The following DLGAP2 variants were observed in gnomAD, a reference collection of about 807,000 sequenced individuals.
The protein encoded by DLGAP2 is DLG associated protein 2, also known as disks large-associated protein 2.
DLGAP2 carries 26 observed loss-of-function variants against 100.3 expected under a neutral mutation model. The observed-to-expected ratio is 0.26, with a 90% confidence interval of 0.19 to 0.36. The LOEUF is 0.36. Ranked by LOEUF, DLGAP2 falls within the 10% of genes least tolerant of loss-of-function variation. DLGAP2 has a pLI of 1.00. For synonymous variants in DLGAP2, 886 were observed against 630.1 expected, an observed-to-expected ratio of 1.41 and a Z score of -6.08; for missense variants, 1,858 against 1,453.2, an observed-to-expected ratio of 1.28 and a Z score of -4.53.
intron 3 of DLGAP2, among the ~76,000 whole-genome samples, chr8:1,418,592 C>T (rs1001977321): frequency 6.6e-6 from 1 of 152,178 alleles, no homozygotes; most frequent in African/African-American, 2.4e-5. Flanking sequence ...CACTCCGACG[C>T]CAAATAAAAG....
At chr8:904,105 G>A (rs900026895) in intron 1 of DLGAP2, among the ~76,000 whole-genome samples, 4 of 152,244 alleles carry the variant, frequency 2.6e-5, no homozygotes, top group African/African-American at 7.2e-5. Context: ...AATCAGTCAC[G>A]TGTCTGACAT....
chr8:1,120,766 A>G (rs192732780), intron 2 of DLGAP2, among the ~76,000 whole-genome samples: 2 of 151,444 alleles, frequency 1.3e-5, no homozygotes, highest in African/African-American at 2.4e-5. Context: ...TTATTTAGAA[A>G]CTAGTCATTC....
rs892616921 is a variant in DLGAP2, at chr8:1,665,144, G to T, written c.1811-3185G>T. 2.0e-5 allele frequency among the ~76,000 whole-genome samples: 3 copies of T among 152,098 alleles called. No homozygotes were observed. In the East Asian group the frequency reaches 5.8e-4, roughly 29 times the overall value. Reference sequence around the variant, plus strand: ...TGATCATGGAGATAAGTCATAAGCTGCCCCATACATTTTTTTTAATTTACG... The same window carrying T: ...TGATCATGGAGATAAGTCATAAGCTTCCCCATACATTTTTTTTAATTTACG... On this transcript the variant is annotated intron_variant, in intron 8 of 14. Coordinates refer to ENST00000637795, the MANE Select transcript of DLGAP2 (RefSeq NM_001346810.2).
In DLGAP2 at chr8:850,384, T is replaced by A. The variant is rs561047702; in HGVS notation, c.19-57528T>A. Among the ~76,000 whole-genome samples, 4 of 152,318 alleles carry A rather than the reference T, an allele frequency of 2.6e-5. No individual in the cohort carries two copies. The East Asian group carries it at 7.7e-4, about 29-fold the overall frequency. On this transcript the variant is annotated intron_variant, in intron 1 of 14. Transcript: ENST00000637795. ...CCTCTTGAAAGATTTCTGCACTTTG[T>A]GCAGAAATTTTATTTCCAATTTACA...
intron 2 of DLGAP2, among the ~76,000 whole-genome samples, chr8:1,182,197 TA>T (rs1797404269): frequency 6.6e-6 from 1 of 152,256 alleles, no homozygotes; most frequent in African/African-American, 2.4e-5. Flanking sequence ...CACGGTGCTC[TA>T]AGCAGGGCAG....
At position 1,480,424 on chromosome 8, in the gene DLGAP2, C is replaced by T. The variant is rs1799058813; in HGVS notation, c.107-20942C>T. On this transcript the variant is annotated intron_variant, in intron 3 of 14. Coordinates refer to ENST00000637795, the MANE Select transcript of DLGAP2 (RefSeq NM_001346810.2). Reference sequence around the variant, plus strand: ...GAAGCTCTCTGCACCCATGGCAGGGCACGTTCCCACACACATATTTTGCTT... The same window carrying T: ...GAAGCTCTCTGCACCCATGGCAGGGTACGTTCCCACACACATATTTTGCTT... Among the ~76,000 whole-genome samples, 3 of 152,156 alleles carry T rather than the reference C, an allele frequency of 2.0e-5. No homozygotes were observed. In the South Asian group the frequency reaches 6.2e-4, roughly 32 times the overall value.
intron 2 of DLGAP2, among the ~76,000 whole-genome samples, chr8:1,026,266 C>CT (rs1348217494): frequency 6.6e-6 from 1 of 152,230 alleles, no homozygotes; most frequent in African/African-American, 2.4e-5. Context: ...ACCAGACCCT[C>CT]TGAGATGGCG....
intron 2 of DLGAP2, among the ~76,000 whole-genome samples, chr8:1,083,108 T>C (rs145489602): frequency 6.6e-5 from 10 of 152,312 alleles, no homozygotes; most frequent in African/African-American, 2.2e-4. Context: ...CAGTTATCTG[T>C]GTGTGAGAGA....
chr8:818,636 C>G (rs768116508), intron 1 of DLGAP2, among the ~76,000 whole-genome samples: 3 of 152,168 alleles, frequency 2.0e-5, no homozygotes, highest in Admixed American at 6.5e-5. Flanking sequence ...GCAAGTTAGT[C>G]CTGCCTCCTA....
chr8:1,503,919 T>C (rs1799811157), intron 4 of DLGAP2, among the ~76,000 whole-genome samples: 1 of 152,132 alleles, frequency 6.6e-6, no homozygotes. Context: ...GAGGAACTGC[T>C]GTAGCCATCT....
intron 6 of DLGAP2, among the ~76,000 whole-genome samples, chr8:1,608,236 A>AC (rs1275000723): frequency 8.1e-6 from 1 of 123,722 alleles, no homozygotes; most frequent in Non-Finnish European, 1.8e-5. Context: ...CTGACCCCTG[A>AC]CCCCCGAGCA....
chr8:1,472,581 A>T (rs1260784387), intron 3 of DLGAP2, among the ~76,000 whole-genome samples: 1 of 152,148 alleles, frequency 6.6e-6, no homozygotes, highest in Non-Finnish European at 1.5e-5. Context: ...CTGAGGTCAG[A>T]TTGAGGAGGA....
intron 5 of DLGAP2, among the ~76,000 whole-genome samples, chr8:1,564,920 G>A (rs1241287501): frequency 6.6e-6 from 1 of 150,948 alleles, no homozygotes; most frequent in Non-Finnish European, 1.5e-5. Context: ...TATAACATGC[G>A]TGGGTGCTGA....
Position 1,678,248 on chromosome 8 carries a change from G to A in DLGAP2, c.2323G>A (p.Ala775Thr). 2 of 1,613,636 alleles carry A rather than the reference G, an allele frequency of 1.2e-6. No individual in the cohort carries two copies. ...TTTTAAACGTTCTAACAGCGTCACGGCCGCCGTCCAAGCTGACCTGGAGCT... is the reference window on the plus strand; with the variant it reads ...TTTTAAACGTTCTAACAGCGTCACGACCGCCGTCCAAGCTGACCTGGAGCT... Reference protein sequence around the residue: ...GRFKRSNSVTAAVQADLELEG... With the variant: ...GRFKRSNSVTTAVQADLELEG... Residue 775 changes from alanine to threonine, a missense_variant, in exon 12 of 15, where the codon GCC becomes ACC. Physicochemically the swap from Ala to Thr is moderately conservative, Grantham distance 58 (BLOSUM62 0). Transcript: ENST00000637795.
intron 3 of DLGAP2, chr8:1,380,223 C>G (rs756057399): frequency 7.9e-5 from 12 of 152,210 alleles, no homozygotes; most frequent in South Asian, 4.2e-4. Context: ...CTCAGCACTT[C>G]AGGCAGCAAA....
rs181948114 is a variant in DLGAP2 at position 1,228,826 on chromosome 8, G to A, written c.74-30025G>A. On this transcript the variant is annotated intron_variant, in intron 2 of 14. Coordinates refer to ENST00000637795, the MANE Select transcript of DLGAP2 (RefSeq NM_001346810.2). The stretch of plus-strand genomic sequence containing the variant: ...GAACAACCTATAGTTAACACCATAC[G>A]TAATGGTTAAGGACTGAAAATTTTG... Among the ~76,000 whole-genome samples the A allele has an allele frequency of 1.6e-3, 249 of 152,206 alleles. 1 individual carries two copies. The highest frequency in any genetic ancestry group is 5.0e-3 in the African/African-American group (206 of 41,524).
chr8:994,527 G>A lies in DLGAP2; in HGVS notation c.73+86561G>A, dbSNP rs142367214. On this transcript the variant is annotated intron_variant, in intron 2 of 14. Transcript: ENST00000637795. ...GTGTTTTTTAATAACGGTTGTCTCT[G>A]GGAGTTTTCCAAGGCTCCAGATCCT... 4.1e-3 allele frequency among the ~76,000 whole-genome samples: 622 copies of A among 152,268 alleles called. 6 individuals are homozygous for A. Among genetic ancestry groups the A allele is most frequent in the Middle Eastern group, 0.017 (5 of 294 alleles).
At chr8:1,561,978 C>G (rs375814666) in intron 5 of DLGAP2, among the ~76,000 whole-genome samples, 16 of 16,892 alleles carry the variant, frequency 9.5e-4, no homozygotes, top group Admixed American at 2.1e-3. Context: ...CTCGTTGCTG[C>G]GGGACTGTGT....
chr8:873,689 A>T (rs1797639935), intron 1 of DLGAP2, among the ~76,000 whole-genome samples: 1 of 152,202 alleles, frequency 6.6e-6, no homozygotes, highest in South Asian at 2.1e-4. Context: ...TGGCCTGATA[A>T]AATGAATTAG....
Sources: allele counts gnomAD v4.1 joint callset (sites outside exome capture counted in the v4.1 genomes callset), GRCh38; gene constraint gnomAD v4.1.1; transcripts MANE v1.5; gene names NCBI Gene and HGNC (gene_info 2026-07-23, HGNC 2026-07-21).